ZNF804B: variants seen among roughly 807,000 people sequenced by gnomAD.
ZNF804B encodes zinc finger protein 804B.
ZNF804B carries 80 observed loss-of-function variants against 101.4 expected under a neutral mutation model. That is an observed-to-expected ratio of 0.79 (90% CI 0.66 to 0.95). The LOEUF is 0.95. ZNF804B is among the 40% of genes least tolerant of loss of function. The pLI is 0.00. For synonymous variants in ZNF804B, 622 were observed against 558.8 expected, an observed-to-expected ratio of 1.11 and a Z score of -1.59; for missense variants, 1,673 against 1,561.9, an observed-to-expected ratio of 1.07 and a Z score of -1.20.
At chr7:89,218,055 C>A in intron 1 of ZNF804B, 100 bp from the exon 2 acceptor site, 2 of 1,193,872 alleles carry the variant, frequency 1.7e-6, no homozygotes. Context: ...CAATGTGCTC[C>A]GTCATATTTC....
intron 1 of ZNF804B, among the ~76,000 whole-genome samples, chr7:89,153,941 T>C (rs1584019391): frequency 6.6e-6 from 1 of 152,128 alleles, no homozygotes; most frequent in Non-Finnish European, 1.5e-5. Flanking sequence ...GACCATTCAC[T>C]CAGATGCTTC....
At chr7:88,834,436 C>T (rs1225422756) in intron 1 of ZNF804B, among the ~76,000 whole-genome samples, 2 of 151,658 alleles carry the variant, frequency 1.3e-5, no homozygotes, top group African/African-American at 4.8e-5. Flanking sequence ...TCTCCAGTTG[C>T]TTAAAAGACA....
intron 1 of ZNF804B, among the ~76,000 whole-genome samples, chr7:88,888,588 A>G (rs1221922416): frequency 6.6e-6 from 1 of 152,092 alleles, no homozygotes; most frequent in Admixed American, 6.6e-5. Flanking sequence ...TATCACAAGT[A>G]GAAAAAAAAG....
At chr7:88,882,963 C>A (rs954180992) in intron 1 of ZNF804B, among the ~76,000 whole-genome samples, 2 of 151,794 alleles carry the variant, frequency 1.3e-5, no homozygotes, top group African/African-American at 4.8e-5. Flanking sequence ...CATGTAATAC[C>A]CCCATGTAAC....
At chr7:89,152,247 T>A (rs1424044393) in intron 1 of ZNF804B, among the ~76,000 whole-genome samples, 3 of 128,260 alleles carry the variant, frequency 2.3e-5, no homozygotes, top group Non-Finnish European at 5.2e-5. Context: ...TACTGCATGG[T>A]TTTTTCTTTT....
chr7:88,918,273 T>C (rs1361091689), intron 1 of ZNF804B, among the ~76,000 whole-genome samples: 2 of 152,154 alleles, frequency 1.3e-5, no homozygotes, highest in African/African-American at 4.8e-5. Flanking sequence ...AGATATGCAA[T>C]GCGTTAGAAT....
At chr7:88,992,286 A>G (rs755860268) in intron 1 of ZNF804B, among the ~76,000 whole-genome samples, 6 of 152,088 alleles carry the variant, frequency 3.9e-5, no homozygotes, top group Non-Finnish European at 7.4e-5. Flanking sequence ...TTGCTTGTCA[A>G]TTTCTCCTAC....
intron 1 of ZNF804B, among the ~76,000 whole-genome samples, chr7:89,108,197 T>C (rs1162797197): frequency 4.6e-5 from 7 of 150,982 alleles, no homozygotes; most frequent in African/African-American, 1.5e-4. Flanking sequence ...TTGTGGGCAT[T>C]AGTTATGAAG....
rs74465408 is a variant in ZNF804B, at chr7:89,005,356, G to T, written c.109-212799G>T. ...GAACATCACAGATTTTGTTGTTGTTGTTGTTCCTTTTATAGTTATGAAGTC... is the reference window on the plus strand; with the variant it reads ...GAACATCACAGATTTTGTTGTTGTTTTTGTTCCTTTTATAGTTATGAAGTC... On this transcript the variant is annotated intron_variant, in intron 1 of 3. Transcript: ENST00000333190. 2.1e-3 allele frequency among the ~76,000 whole-genome samples: 317 copies of T among 152,042 alleles called. 4 individuals are homozygous for T. The highest frequency in any genetic ancestry group is 7.3e-3 in the African/African-American group (304 of 41,536).
rs771741070 is a variant in ZNF804B at position 89,336,552 on chromosome 7, T to A, written c.3570T>A (p.Ser1190=). 1 of 1,614,088 alleles carries A rather than the reference T, an allele frequency of 6.2e-7. No homozygotes were observed. The highest frequency in any genetic ancestry group is 1.1e-5 in the South Asian group (1 of 91,086). ...VLPAAGPTAF[S]PASTVQTVPV... ...CTGCTGCAGGGCCTACTGCCTTCTC[T>A]CCGGCCTCAACCGTACAGACAGTTC... The change falls in exon 4 of 4, where the codon TCT becomes TCA. Residue 1190 remains serine (S), a synonymous_variant. Transcript: ENST00000333190.
chr7:89,284,536 A>AAAAG lies in ZNF804B; in HGVS notation c.250-42796_250-42793dup, dbSNP rs540685514. ...AACACAGCATAAGGACCGCTGTAAA[A>AAAAG]AAAGAAAGAAAGAAAAGGAAACTCA... On this transcript the variant is annotated intron_variant, in intron 2 of 3. Coordinates refer to ENST00000333190, the MANE Select transcript of ZNF804B (RefSeq NM_181646.5). Among the ~76,000 whole-genome samples the AAAAG allele has an allele frequency of 3.4e-4, 52 of 152,326 alleles. 2 individuals carry two copies. In the South Asian group the frequency reaches 0.011, roughly 31 times the overall value.
intron 1 of ZNF804B, among the ~76,000 whole-genome samples, chr7:88,868,324 A>G (rs1293958988): frequency 1.3e-5 from 2 of 152,122 alleles, no homozygotes; most frequent in African/African-American, 4.8e-5. Context: ...CAACTGGGCT[A>G]TGTATATCCA....
intron 1 of ZNF804B, among the ~76,000 whole-genome samples, chr7:89,089,041 T>C (rs945507082): frequency 6.8e-6 from 1 of 147,136 alleles, no homozygotes; most frequent in Non-Finnish European, 1.5e-5. Context: ...CATAAGCCTT[T>C]TTTTCCTTTT....
At chr7:89,117,155 C>T (rs1281045363) in intron 1 of ZNF804B, among the ~76,000 whole-genome samples, 3 of 152,192 alleles carry the variant, frequency 2.0e-5, no homozygotes, top group Non-Finnish European at 2.9e-5. Context: ...TCCACTAGAG[C>T]TTCTAAAAGG....
chr7:88,854,713 C>T (rs1392585464), intron 1 of ZNF804B, among the ~76,000 whole-genome samples: 12 of 149,804 alleles, frequency 8.0e-5, no homozygotes, highest in African/African-American at 2.9e-4. Flanking sequence ...ATTAACTCAT[C>T]ATTTAACATT....
intron 1 of ZNF804B, among the ~76,000 whole-genome samples, chr7:88,800,941 C>T (rs1790570777): frequency 6.6e-6 from 1 of 152,006 alleles, no homozygotes; most frequent in African/African-American, 2.4e-5. Flanking sequence ...GCATTTTTGA[C>T]AAGTAATCTC....
At chr7:89,189,442 C>G (rs963864699) in intron 1 of ZNF804B, among the ~76,000 whole-genome samples, 1 of 152,174 alleles carries the variant, frequency 6.6e-6, no homozygotes, top group African/African-American at 2.4e-5. Flanking sequence ...AAGCCTCGAT[C>G]CAAGTAACCT....
intron 1 of ZNF804B, among the ~76,000 whole-genome samples, chr7:88,878,492 C>G (rs1791983862): frequency 6.6e-6 from 1 of 152,076 alleles, no homozygotes; most frequent in African/African-American, 2.4e-5. Flanking sequence ...GGGTGTCTGC[C>G]TGATGAGAAT....
At chr7:89,049,457 G>C (rs1003654906) in intron 1 of ZNF804B, among the ~76,000 whole-genome samples, 5 of 152,108 alleles carry the variant, frequency 3.3e-5, no homozygotes, top group African/African-American at 9.7e-5. Context: ...TTGGTAGCTT[G>C]AAATTGGTTA....
Sources: gnomAD v4.1 joint callset for allele counts (sites outside exome capture counted in the v4.1 genomes callset) on GRCh38, gnomAD v4.1.1 for gene constraint, MANE v1.5 for transcripts, NCBI Gene and HGNC (gene_info 2026-07-23, HGNC 2026-07-21) for gene names.